The following RAP1GDS1 variants were observed in gnomAD, a reference collection of about 807,000 sequenced individuals.
The protein encoded by RAP1GDS1 is RAP1, GTP-GDP dissociation stimulator 1.
Under a neutral mutation model 71.1 loss-of-function variants are expected in RAP1GDS1, and 35 were observed. That is an observed-to-expected ratio of 0.49 (90% CI 0.38 to 0.65). The LOEUF is 0.65. Among genes scored for constraint, RAP1GDS1 ranks in the 30% least tolerant of loss-of-function variants. The probability of loss-of-function intolerance (pLI) is 0.00; values close to 1 mark genes in which losing one functional copy is unlikely to be tolerated. For synonymous variants in RAP1GDS1, 229 were observed against 243.1 expected (o/e 0.94, Z 0.54); for missense variants, 663 against 706.1 (o/e 0.94, Z 0.69).
Position 98,416,776 on chromosome 4 carries a change from C to T in RAP1GDS1, c.795C>T (p.Gly265=). 1.2e-6 allele frequency: 2 copies of T among 1,607,178 alleles called. No individual in the cohort carries two copies. Among genetic ancestry groups the T allele is most frequent in the Non-Finnish European group, 8.5e-7 (1 of 1,173,964 alleles). The stretch of plus-strand genomic sequence containing the variant: ...TTAAACTACAGCTGGTTGAAGCAGG[C>T]CTAGTAGAGTGTCTACTAGAGATTG... The part of the protein sequence containing the change: ...DAIKLQLVEA[G]LVECLLEIVQ... The change falls in exon 8 of 15, where the codon GGC becomes GGT. Residue 265 remains glycine (G), a synonymous_variant. Transcript: ENST00000408927.
chr4:98,338,295 A>G (rs1262476116), intron 2 of RAP1GDS1, among the ~76,000 whole-genome samples: 1 of 152,160 alleles, frequency 6.6e-6, no homozygotes, highest in Non-Finnish European at 1.5e-5. Context: ...GAAAGAGGGT[A>G]AATTTGATTT....
At chr4:98,364,041 C>T (rs547871807) in intron 4 of RAP1GDS1, among the ~76,000 whole-genome samples, 10 of 152,108 alleles carry the variant, frequency 6.6e-5, no homozygotes, top group Non-Finnish European at 1.3e-4. Flanking sequence ...GTCATTGCTG[C>T]TTGTTTTTAT....
rs563193720 is a variant in RAP1GDS1, at chr4:98,377,768, G to GTAAC, written c.362-1243_362-1240dup. On this transcript the variant is annotated intron_variant, in intron 4 of 14. Transcript: ENST00000408927. Reference sequence around the variant, plus strand: ...TTGGAAAATGAAAATCTTTCAAATTGTAACTAACTTCGTAGCTGTAATTCC... The same window carrying GTAAC: ...TTGGAAAATGAAAATCTTTCAAATTGTAACTAACTAACTTCGTAGCTGTAATTCC... 5.9e-5 allele frequency among the ~76,000 whole-genome samples: 9 copies of GTAAC among 151,772 alleles called. No homozygotes were observed. The South Asian group carries it at 1.9e-3, about 32-fold the overall frequency.
chr4:98,321,215 T>C (rs1259056939), intron 2 of RAP1GDS1, among the ~76,000 whole-genome samples: 2 of 141,290 alleles, frequency 1.4e-5, no homozygotes, highest in Non-Finnish European at 3.1e-5. Flanking sequence ...AAGGGAAGTT[T>C]AGAGAAAAAA....
intron 11 of RAP1GDS1, among the ~76,000 whole-genome samples, chr4:98,420,452 G>A (rs561929976): frequency 5.9e-5 from 9 of 151,894 alleles, no homozygotes; most frequent in East Asian, 3.9e-4. Context: ...CGCAACTTCC[G>A]CCTCCTGGGT....
In RAP1GDS1 at chr4:98,302,248, C is replaced by T. The variant is rs189476898; in HGVS notation, c.112+8733C>T. Among the ~76,000 whole-genome samples the T allele has an allele frequency of 1.1e-4, 16 of 152,234 alleles. No homozygotes were observed. The East Asian group carries it at 2.5e-3, about 24-fold the overall frequency. On this transcript the variant is annotated intron_variant, in intron 2 of 14. Coordinates refer to ENST00000408927, the MANE Select transcript of RAP1GDS1 (RefSeq NM_001100427.2). ...TGCAGATATGAAGAGAAGAAACCTTCAAGTTATAAATTCAGAAACTTAGAA... is the reference window on the plus strand; with the variant it reads ...TGCAGATATGAAGAGAAGAAACCTTTAAGTTATAAATTCAGAAACTTAGAA...
At chr4:98,337,261 C>T (rs759146105) in intron 2 of RAP1GDS1, among the ~76,000 whole-genome samples, 1 of 152,186 alleles carries the variant, frequency 6.6e-6, no homozygotes, top group Non-Finnish European at 1.5e-5. Flanking sequence ...TAATCACTGC[C>T]TCAGTTTAGC....
intron 12 of RAP1GDS1, 87 bp from the exon 13 acceptor site, chr4:98,433,849 C>G: frequency 7.6e-7 from 1 of 1,311,610 alleles, no homozygotes; most frequent in South Asian, 1.4e-5. Flanking sequence ...TGTCGCAAAA[C>G]CACTCAACAA....
At chr4:98,302,600 CTG>C (rs1728723313) in intron 2 of RAP1GDS1, among the ~76,000 whole-genome samples, 1 of 152,182 alleles carries the variant, frequency 6.6e-6, no homozygotes. Context: ...AGACCAGAAT[CTG>C]TTTTTTGAAA....
At chr4:98,400,204 C>A (rs1745172573) in intron 6 of RAP1GDS1, among the ~76,000 whole-genome samples, 1 of 151,872 alleles carries the variant, frequency 6.6e-6, no homozygotes, top group African/African-American at 2.4e-5. Context: ...CCAGCTGTCT[C>A]CTTACTGGGT....
chr4:98,416,867 A>T lies in RAP1GDS1; in HGVS notation c.886A>T (p.Met296Leu), dbSNP rs1396040977. The T allele has an allele frequency of 3.7e-6, 6 of 1,601,418 alleles. No homozygotes were observed. The highest frequency in any genetic ancestry group is 1.7e-4 in the Middle Eastern group (1 of 6,038). The change falls in exon 8 of 15, where the codon ATG becomes TTG. Residue 296 changes from methionine (M) to leucine (L), a missense_variant. Met to Leu is a conservative substitution (Grantham distance 15). Transcript: ENST00000408927. ...TGAGCTCAAAACTGGTTCAGATCTC[A>T]TGGTTTTATTACTTCTTGGAGGTGA... ...ITELKTGSDL[M>L]VLLLLGDESM...
chr4:98,272,915 C>T (rs561848132), intron 1 of RAP1GDS1, among the ~76,000 whole-genome samples: 129 of 152,206 alleles, frequency 8.5e-4, no homozygotes, highest in Non-Finnish European at 1.7e-3. Flanking sequence ...TTCTGATTTT[C>T]GCTGAGCTCA....
At chr4:98,286,775 G>A (rs1014705650) in intron 1 of RAP1GDS1, among the ~76,000 whole-genome samples, 14 of 150,790 alleles carry the variant, frequency 9.3e-5, no homozygotes, top group Admixed American at 5.3e-4. Flanking sequence ...AATCCCAGCT[G>A]TTTGGGAGGC....
At chr4:98,407,396 G>A (rs894621440) in intron 7 of RAP1GDS1, among the ~76,000 whole-genome samples, 1 of 151,854 alleles carries the variant, frequency 6.6e-6, no homozygotes, top group Non-Finnish European at 1.5e-5. Flanking sequence ...CTTTTAAAAA[G>A]CAGAAGAAAA....
chr4:98,357,344 A>C (rs1233821791), intron 4 of RAP1GDS1, among the ~76,000 whole-genome samples: 1 of 151,960 alleles, frequency 6.6e-6, no homozygotes, highest in South Asian at 2.1e-4. Flanking sequence ...AAGATTCTTC[A>C]GTTTTCATCA....
intron 1 of RAP1GDS1, among the ~76,000 whole-genome samples, chr4:98,265,934 G>C (rs1388325517): frequency 2.6e-5 from 4 of 152,118 alleles, no homozygotes; most frequent in African/African-American, 9.7e-5. Flanking sequence ...ATGGAGGTCA[G>C]TTGTAAAGGC....
At chr4:98,409,271 C>T (rs1746644832) in intron 7 of RAP1GDS1, 1 of 152,184 alleles carries the variant, frequency 6.6e-6, no homozygotes, top group Non-Finnish European at 1.5e-5. Context: ...GAACTGCCAC[C>T]TTCCAGTAAT....
chr4:98,339,567 G>T (rs1319228273), intron 2 of RAP1GDS1, among the ~76,000 whole-genome samples: 4 of 151,476 alleles, frequency 2.6e-5, no homozygotes, highest in East Asian at 1.9e-4. Flanking sequence ...CATCGTTTTT[G>T]ATTTTTTTTT....
At chr4:98,296,744 AC>A (rs1177351924) in intron 2 of RAP1GDS1, among the ~76,000 whole-genome samples, 1 of 152,158 alleles carries the variant, frequency 6.6e-6, no homozygotes, top group East Asian at 1.9e-4. Flanking sequence ...GAAATGTAAA[AC>A]AATAGGCCAC....
Sources: allele counts gnomAD v4.1 joint callset (sites outside exome capture counted in the v4.1 genomes callset), GRCh38; gene constraint gnomAD v4.1.1; transcripts MANE v1.5; gene names NCBI Gene and HGNC (gene_info 2026-07-23, HGNC 2026-07-21).